PM20D2: variants seen among roughly 807,000 people sequenced by gnomAD.
The protein encoded by PM20D2 is xaa-Arg dipeptidase.
A neutral mutation model predicts 42.9 loss-of-function variants in PM20D2; 33 were observed. The ratio of observed to expected loss-of-function variants is 0.77; its 90% CI spans 0.58 to 1.03. The LOEUF is 1.03. Among genes scored for constraint, PM20D2 ranks in the 50% least tolerant of loss-of-function variants. The probability of loss-of-function intolerance (pLI) is 0.00; values close to 1 mark genes in which losing one functional copy is unlikely to be tolerated. For synonymous variants in PM20D2, 250 were observed against 228.2 expected, an observed-to-expected ratio of 1.10 and a Z score of -0.86; for missense variants, 548 against 557.0, an observed-to-expected ratio of 0.98 and a Z score of 0.16.
At chr6:89,134,168 T>A in the PM20D2 span, among the ~76,000 whole-genome samples, 1 of 151,084 alleles carries the variant, frequency 6.6e-6, no homozygotes, top group Admixed American at 6.6e-5. Flanking sequence ...AGGCTTTGAG[T>A]CAACACCATT....
At chr6:89,107,315 G>T in the PM20D2 span, 2 of 1,402,296 alleles carry the variant, frequency 1.4e-6, no homozygotes, top group Non-Finnish European at 2.0e-6. Flanking sequence ...AAAATATTTT[G>T]CCTACAGAAA....
Position 89,149,382 on chromosome 6 carries a change from G to T in PM20D2, c.583G>T (p.Ala195Ser). Residue 195 changes from alanine to serine, a missense_variant, in exon 2 of 7, where the codon GCT (alanine) becomes TCT (serine). Ala to Ser is a moderately conservative substitution (Grantham distance 99). Transcript: ENST00000275072. ...VFMAHPSQEN[A>S]AYLPDMAEHD... ...TATGGCCCACCCATCACAAGAGAAT[G>T]CTGCTTATCTACCAGATATGGCTGA... 6.2e-7 allele frequency: 1 copy of T among 1,614,046 alleles called. No individual in the cohort carries two copies. Among genetic ancestry groups the T allele is most frequent in the Non-Finnish European group, 8.5e-7 (1 of 1,179,956 alleles).
chr6:89,099,859 C>T, the PM20D2 span, among the ~76,000 whole-genome samples: 2 of 152,042 alleles, frequency 1.3e-5, no homozygotes. Context: ...TGAAAAGCTA[C>T]ACAACATTTA....
At chr6:89,112,871 C>A in the PM20D2 span, among the ~76,000 whole-genome samples, 166 of 152,216 alleles carry the variant, frequency 1.1e-3, 1 homozygote, top group African/African-American at 3.8e-3. Context: ...TTTAAAAAAT[C>A]TTTTACACCA....
chr6:89,146,078 C>T lies in PM20D2; in HGVS notation c.-67C>T, dbSNP rs1770526338. The T allele has an allele frequency of 3.0e-6, 4 of 1,318,238 alleles. No individual in the cohort carries two copies. Among genetic ancestry groups the T allele is most frequent in the Admixed American group, 3.9e-5 (1 of 25,770 alleles). 81.7% of individuals were successfully genotyped at this position (1,318,238 alleles called of 1,614,324 possible). Reference sequence around the variant, plus strand: ...TCCTGGAGGCCTCTGGGCGCGTGCGCGGGCGGTCGCTACCTGCGGCCGAGC... The same window carrying T: ...TCCTGGAGGCCTCTGGGCGCGTGCGTGGGCGGTCGCTACCTGCGGCCGAGC... On this transcript the variant is annotated 5_prime_UTR_variant, in exon 1 of 7. Transcript: ENST00000275072.
intron 1 of PM20D2, chr6:89,148,505 G>GT: frequency 1.0e-6 from 1 of 970,192 alleles, no homozygotes; most frequent in African/African-American, 1.8e-5. Flanking sequence ...ATTCTGTAAA[G>GT]TTCTCTTTTG....
chr6:89,104,016 T>TTTTTG, the PM20D2 span, among the ~76,000 whole-genome samples: 20 of 69,854 alleles, frequency 2.9e-4, no homozygotes, highest in African/African-American at 8.0e-4. Flanking sequence ...TTTTTTTTTT[T>TTTTTG]TGGAGAGACG....
chr6:89,112,582 T>TA, the PM20D2 span, among the ~76,000 whole-genome samples: 3 of 148,718 alleles, frequency 2.0e-5, no homozygotes. Context: ...CCGGCTAACT[T>TA]TTTTTTTTTG....
At chr6:89,128,648 C>T in the PM20D2 span, among the ~76,000 whole-genome samples, 2 of 152,170 alleles carry the variant, frequency 1.3e-5, no homozygotes, top group African/African-American at 4.8e-5. Flanking sequence ...CTTACACCCC[C>T]TCCCCTTTTG....
chr6:89,132,345 A>C, the PM20D2 span, among the ~76,000 whole-genome samples: 5 of 151,504 alleles, frequency 3.3e-5, no homozygotes, highest in Non-Finnish European at 5.9e-5. Flanking sequence ...CCTTCTCTCC[A>C]ATAGGAGGTT....
In PM20D2 at chr6:89,154,738, C is replaced by T. The variant is rs1770972548; in HGVS notation, c.758-10C>T. 2 of 1,482,172 alleles carry T rather than the reference C, an allele frequency of 1.3e-6. No homozygotes were observed. The highest frequency in any genetic ancestry group is 1.8e-6 in the Non-Finnish European group (2 of 1,107,160). The allele number at this position is 1,482,172 out of a possible 1,614,324, so 91.8% of individuals were successfully genotyped here. On this transcript the variant is annotated splice_polypyrimidine_tract_variant and intron_variant, in intron 3 of 6. Transcript: ENST00000275072. ...CAAGCTTAATTCTAGTAATTTGGTTCTTTTTATAGGTATAATAAAAAATGG... is the reference window on the plus strand; with the variant it reads ...CAAGCTTAATTCTAGTAATTTGGTTTTTTTTATAGGTATAATAAAAAATGG...
chr6:89,118,199 GA>G, the PM20D2 span: 4 of 152,478 alleles, frequency 2.6e-5, no homozygotes, highest in Non-Finnish European at 4.4e-5. Context: ...AGTGCGACGG[GA>G]TTTGGGGAGG....
Position 89,161,904 on chromosome 6 carries a change from G to C in PM20D2, c.1156+14G>C. The stretch of plus-strand genomic sequence containing the variant: ...CTGAAGCTGCTGGTAAGTGTTGTTG[G>C]ATGTGACTGTTTTGGCACACACACT... On this transcript the variant is annotated intron_variant, in intron 6 of 6. Coordinates refer to ENST00000275072, the MANE Select transcript of PM20D2 (RefSeq NM_001010853.3). The C allele has an allele frequency of 6.3e-7, 1 of 1,588,388 alleles. No homozygotes were observed. The highest frequency in any genetic ancestry group is 8.6e-7 in the Non-Finnish European group (1 of 1,156,996).
chr6:89,161,630 GGA>G lies in PM20D2; in HGVS notation c.1049-152_1049-151del, dbSNP rs1172134565. 3.9e-4 allele frequency among the ~76,000 whole-genome samples: 59 copies of G among 152,306 alleles called. 1 individual carries two copies. The highest frequency in any genetic ancestry group is 3.9e-3 in the Admixed American group (59 of 15,302). ...CAGGGGAGTGGGTGGCAGACTCAGT[GGA>G]AGGTGAGCCCATGAAAGCATGAGCA... On this transcript the variant is annotated intron_variant, in intron 5 of 6. Coordinates refer to ENST00000275072, the MANE Select transcript of PM20D2 (RefSeq NM_001010853.3).
the PM20D2 span, among the ~76,000 whole-genome samples, chr6:89,129,282 C>T: frequency 6.6e-6 from 1 of 152,042 alleles, no homozygotes; most frequent in Admixed American, 6.6e-5. Context: ...CAATAGCATT[C>T]TACACAGAAT....
the PM20D2 span, among the ~76,000 whole-genome samples, chr6:89,100,206 G>A: frequency 1.3e-5 from 2 of 152,244 alleles, no homozygotes; most frequent in Middle Eastern, 3.4e-3. Context: ...GCAAAAAACC[G>A]GAATTCAGAA....
At chr6:89,160,791 AGT>A in intron 5 of PM20D2, among the ~76,000 whole-genome samples, 1 of 152,224 alleles carries the variant, frequency 6.6e-6, no homozygotes, top group African/African-American at 2.4e-5. Context: ...GGGAAGGTGA[AGT>A]AAGTAAGGCT....
At chr6:89,154,586 A>G (rs1320931969) in intron 3 of PM20D2, among the ~76,000 whole-genome samples, 162 bp from the exon 4 acceptor site, 2 of 152,230 alleles carry the variant, frequency 1.3e-5, no homozygotes, top group Non-Finnish European at 2.9e-5. Flanking sequence ...AAGAAATTTC[A>G]GTTGTACAAC....
the PM20D2 span, among the ~76,000 whole-genome samples, chr6:89,099,443 CATAT>C: frequency 8.6e-5 from 12 of 138,754 alleles, 1 homozygote; most frequent in Admixed American, 4.2e-4. Context: ...TATATATACA[CATAT>C]ATATGTGTGT....
Sources: gnomAD v4.1 joint callset for allele counts (sites outside exome capture counted in the v4.1 genomes callset) on GRCh38, gnomAD v4.1.1 for gene constraint, MANE v1.5 for transcripts, NCBI Gene and HGNC (gene_info 2026-07-23, HGNC 2026-07-21) for gene names.